The following LRP12 variants were observed in gnomAD, a reference collection of about 807,000 sequenced individuals.
LRP12 encodes the protein low-density lipoprotein receptor-related protein 12.
Under a neutral mutation model 66.0 loss-of-function variants are expected in LRP12, and 14 were observed. The observed-to-expected ratio is 0.21, with a 90% CI of 0.14 to 0.33. LRP12 has a LOEUF of 0.33. Among genes scored for constraint, LRP12 ranks in the 10% least tolerant of loss-of-function variants. LRP12 has a pLI of 1.00. For synonymous variants in LRP12, 357 were observed against 359.1 expected (o/e 0.99, Z 0.07); for missense variants, 889 against 1,053.4 (o/e 0.84, Z 2.16).
intron 1 of LRP12, among the ~76,000 whole-genome samples, chr8:104,575,509 G>A (rs1812152279): frequency 2.6e-5 from 4 of 152,164 alleles, no homozygotes; most frequent in Admixed American, 2.6e-4. Flanking sequence ...CCAGGAGTCG[G>A]GAGCTGAGCA....
In LRP12 at chr8:104,491,146, C is replaced by G. The variant is rs754069372; in HGVS notation, c.2107G>C (p.Gly703Arg). ...ACATCCCTTCCATTATCTGCATGACCACCTCGGGTACTCTGAGTTGAGGAA... is the reference window on the plus strand; with the variant it reads ...ACATCCCTTCCATTATCTGCATGACGACCTCGGGTACTCTGAGTTGAGGAA... ...ASSSTQSTRG[G>R]HADNGRDVTS... Residue 703 changes from glycine (G) to arginine (R), a missense_variant, in exon 7 of 7, where the codon GGT becomes CGT. Gly to Arg is a moderately radical substitution (Grantham distance 125, BLOSUM62 -2). Around this residue, in one of 3 missense-constraint regions of LRP12, gnomAD observed 800 missense variants for 964.5 expected, o/e 0.83. Transcript: ENST00000276654. The G allele has an allele frequency of 6.8e-6, 11 of 1,614,064 alleles. No individual in the cohort carries two copies. Among genetic ancestry groups the G allele is most frequent in the African/African-American group, 2.7e-5 (2 of 75,000 alleles).
chr8:104,511,770 C>G (rs769995924), intron 2 of LRP12, among the ~76,000 whole-genome samples: 42 of 152,062 alleles, frequency 2.8e-4, no homozygotes, highest in Non-Finnish European at 5.1e-4. Context: ...ATGGGTCTGC[C>G]CTGGAATTAG....
At position 104,489,528 on chromosome 8, in the gene LRP12, G is replaced by C. The variant is rs1232667207; in HGVS notation, c.*1145C>G. On this transcript the variant is annotated 3_prime_UTR_variant, in exon 7 of 7. Coordinates refer to ENST00000276654, the MANE Select transcript of LRP12 (RefSeq NM_013437.5). ...TGCAATTCACACTACTTAAAAAGGG[G>C]GGATGATCTGAATGATTTCTTAATT... 1 of 152,288 alleles carries C rather than the reference G, an allele frequency of 6.6e-6. No homozygotes were observed. Among genetic ancestry groups the C allele is most frequent in the African/African-American group, 2.4e-5 (1 of 41,412 alleles). 9.4% of individuals were successfully genotyped at this position (152,288 alleles called of 1,614,324 possible).
intron 1 of LRP12, among the ~76,000 whole-genome samples, chr8:104,570,839 A>G (rs978670980): frequency 7.9e-5 from 12 of 152,338 alleles, no homozygotes; most frequent in African/African-American, 2.9e-4. Context: ...GACAAGCTAC[A>G]GATTCAGAGG....
At chr8:104,492,222 A>G (rs1209170002) in intron 6 of LRP12, among the ~76,000 whole-genome samples, 1 of 151,812 alleles carries the variant, frequency 6.6e-6, no homozygotes, top group Non-Finnish European at 1.5e-5. Context: ...CTTAATCTTT[A>G]AAGTTTTATT....
Position 104,499,471 on chromosome 8 carries a change from C to A in LRP12, c.321G>T (p.Trp107Cys). The A allele has an allele frequency of 1.9e-6, 3 of 1,613,462 alleles. No homozygotes were observed. Among genetic ancestry groups the A allele is most frequent in the South Asian group, 1.1e-5 (1 of 90,948 alleles). ...TATTCTTGTATGTTTCTATTGTCAA[C>A]CAGTCCAAATTGCACCTTCTGGATC... ...IQGSRRCNLD[W>C]LTIETYKNIE... Residue 107 changes from tryptophan (W) to cysteine (C), a missense_variant, in exon 4 of 7, where the codon TGG becomes TGT. By Grantham distance (215) the Trp-to-Cys change is radical (BLOSUM62 -2). Coordinates refer to ENST00000276654, the MANE Select transcript of LRP12 (RefSeq NM_013437.5).
intron 1 of LRP12, among the ~76,000 whole-genome samples, chr8:104,547,961 GT>G (rs1009097885): frequency 1.8e-5 from 2 of 113,510 alleles, no homozygotes; most frequent in African/African-American, 7.8e-5. Context: ...ATATACCATT[GT>G]TATATTTTGT....
intron 1 of LRP12, among the ~76,000 whole-genome samples, chr8:104,547,731 GTATATAATATATAATCA>G (rs778293054): frequency 0.012 from 1,440 of 122,386 alleles, 25 homozygotes; most frequent in African/African-American, 0.043. Flanking sequence ...GTTATATTTT[GTATATAATATATAATCA>G]TATATAATAT....
At chr8:104,495,232 A>C in intron 5 of LRP12, 23 bp from the exon 6 acceptor site, 1 of 1,600,978 alleles carries the variant, frequency 6.2e-7, no homozygotes, top group South Asian at 1.1e-5. Flanking sequence ...ATGGAAAGAA[A>C]AATGATTAAA....
At chr8:104,560,878 T>C (rs1333710131) in intron 1 of LRP12, among the ~76,000 whole-genome samples, 2 of 152,204 alleles carry the variant, frequency 1.3e-5, no homozygotes, top group Non-Finnish European at 2.9e-5. Context: ...CTCCCTCATT[T>C]TCCATACCAC....
At position 104,503,674 on chromosome 8, in the gene LRP12, C is replaced by T. The variant is rs142723355; in HGVS notation, c.273-4155G>A. ...CTTATGTTGATAGTAAAATTTATTA[C>T]TACAAAGCTCTGTACACAGTACTTT... On this transcript the variant is annotated intron_variant, in intron 3 of 6. Transcript: ENST00000276654. Among the ~76,000 whole-genome samples, 747 of 152,200 alleles carry T rather than the reference C, an allele frequency of 4.9e-3. 10 individuals carry two copies. The highest frequency in any genetic ancestry group is 0.017 in the African/African-American group (717 of 41,546).
intron 1 of LRP12, among the ~76,000 whole-genome samples, chr8:104,559,863 AAG>A (rs1811876320): frequency 6.6e-6 from 1 of 152,170 alleles, no homozygotes; most frequent in African/African-American, 2.4e-5. Context: ...AATGAAAAAA[AAG>A]AAAAAATATT....
chr8:104,567,579 T>A (rs1246447767), intron 1 of LRP12, among the ~76,000 whole-genome samples: 1 of 152,056 alleles, frequency 6.6e-6, no homozygotes, highest in Non-Finnish European at 1.5e-5. Context: ...ATTTTGTATA[T>A]GAAAAATCAT....
intron 1 of LRP12, among the ~76,000 whole-genome samples, chr8:104,532,975 T>C (rs564248528): frequency 1.7e-4 from 26 of 152,254 alleles, no homozygotes; most frequent in African/African-American, 5.1e-4. Flanking sequence ...GCACATAGCA[T>C]TGAACAGGTG....
At chr8:104,498,911 T>G (rs77023527) in intron 4 of LRP12, among the ~76,000 whole-genome samples, 4,665 of 152,294 alleles carry the variant, frequency 0.031, 237 homozygotes, top group African/African-American at 0.11. Context: ...AGAAAAGATG[T>G]CGTTTTTTCT....
chr8:104,529,983 C>T (rs191344748), intron 2 of LRP12, among the ~76,000 whole-genome samples: 35 of 152,170 alleles, frequency 2.3e-4, no homozygotes, highest in South Asian at 1.7e-3. Flanking sequence ...AGACTGAATG[C>T]GGAAACAGAT....
rs549472565 is a variant in LRP12 at position 104,577,549 on chromosome 8, G to A, written c.79+11270C>T. Among the ~76,000 whole-genome samples, 14 of 152,220 alleles carry A rather than the reference G, an allele frequency of 9.2e-5. No individual in the cohort carries two copies. In the South Asian group the frequency reaches 2.5e-3, roughly 27 times the overall value. On this transcript the variant is annotated intron_variant, in intron 1 of 6. Transcript: ENST00000276654. ...AAACAGGCCGGGAGCAGTGGCTCAC[G>A]CCTGTAATCCCACCACTTTGGGAGG...
chr8:104,572,843 T>C (rs182495363), intron 1 of LRP12, among the ~76,000 whole-genome samples: 4 of 152,166 alleles, frequency 2.6e-5, no homozygotes, highest in South Asian at 2.1e-4. Flanking sequence ...AATAAACCTT[T>C]AAAAAACATA....
In LRP12 at chr8:104,491,590, T is replaced by TTAA. The variant is rs1554705774; in HGVS notation, c.1714-52_1714-51insTTA. ...GATAGTTAACAACAAGGTACTAAGA[T>TTAA]AAAAAAAAAAAAAAACACCCTTCTA... is the stretch of plus-strand genomic sequence containing the variant. On this transcript the variant is annotated intron_variant, in intron 6 of 6. Transcript: ENST00000276654. The TTAA allele has an allele frequency of 1.8e-5, 15 of 819,890 alleles. No individual in the cohort carries two copies. In the Admixed American group the frequency reaches 2.6e-4, roughly 14 times the overall value. The allele number at this position is 819,890 out of a possible 1,614,324, so 50.8% of individuals were successfully genotyped here. A position where few individuals can be genotyped will look rare whatever the true frequency, so the allele number is the denominator to read the frequency against.
Sources: gnomAD v4.1 joint callset for allele counts (sites outside exome capture counted in the v4.1 genomes callset) on GRCh38, gnomAD v4.1.1 for gene constraint, gnomAD v4.1.1 regional missense constraint, MANE v1.5 for transcripts, NCBI Gene and HGNC (gene_info 2026-07-23, HGNC 2026-07-21) for gene names.